The following NRAP variants were observed in gnomAD, a reference collection of about 807,000 sequenced individuals.
NRAP encodes the protein nebulin related anchoring protein.
NRAP carries 189 observed loss-of-function variants against 225.9 expected under a neutral mutation model. The ratio of observed to expected loss-of-function variants is 0.84; its 90% CI spans 0.74 to 0.94. The LOEUF (loss-of-function observed/expected upper bound fraction) is 0.94. Ranked by LOEUF, NRAP falls within the 40% of genes least tolerant of loss-of-function variation. The probability of loss-of-function intolerance (pLI) is 0.00; values close to 1 mark genes in which losing one functional copy is unlikely to be tolerated. For synonymous variants in NRAP, 769 were observed against 790.7 expected (o/e 0.97, Z 0.46); for missense variants, 2,176 against 2,168.7 (o/e 1.00, Z -0.07).
At chr10:113,662,999 T>A (rs1409091898) in intron 2 of NRAP, among the ~76,000 whole-genome samples, 1 of 152,198 alleles carries the variant, frequency 6.6e-6, no homozygotes, top group Admixed American at 6.5e-5. Flanking sequence ...AAATGATCAC[T>A]TGAAAACTTT....
At chr10:113,605,717 T>G in intron 34 of NRAP, 45 bp downstream of exon 34, 1 of 1,277,884 alleles carries the variant, frequency 7.8e-7, no homozygotes, top group Non-Finnish European at 1.1e-6. Flanking sequence ...TTACATGAAG[T>G]TAACAGAAAT....
At chr10:113,653,461 A>T (rs79661250) in intron 5 of NRAP, among the ~76,000 whole-genome samples, 2 of 152,188 alleles carry the variant, frequency 1.3e-5, no homozygotes, top group African/African-American at 2.4e-5. Context: ...AGTTTTCCTA[A>T]TGAGACTTAT....
At chr10:113,634,650 T>C (rs914847750) in intron 14 of NRAP, among the ~76,000 whole-genome samples, 1 of 152,190 alleles carries the variant, frequency 6.6e-6, no homozygotes, top group Non-Finnish European at 1.5e-5. Context: ...CAGTACGGCA[T>C]TTGGGCACAT....
At chr10:113,599,061 C>G (rs7898339) in intron 35 of NRAP, among the ~76,000 whole-genome samples, 28,934 of 152,206 alleles carry the variant, frequency 0.19, 2,891 homozygotes, top group Non-Finnish European at 0.22. Context: ...GAAAAAGCCT[C>G]TCTAAGAAAA....
chr10:113,624,199 T>A (rs920639564), intron 22 of NRAP, among the ~76,000 whole-genome samples: 2 of 152,106 alleles, frequency 1.3e-5, no homozygotes, highest in African/African-American at 4.8e-5. Flanking sequence ...CTCCTCCCCA[T>A]CTATTTCTCA....
chr10:113,628,447 T>C (rs1200458965), intron 20 of NRAP, among the ~76,000 whole-genome samples: 1 of 152,080 alleles, frequency 6.6e-6, no homozygotes, highest in African/African-American at 2.4e-5. Context: ...CTAGGCCTCC[T>C]AAAGTAGTGG....
intron 12 of NRAP, among the ~76,000 whole-genome samples, 154 bp downstream of exon 12, chr10:113,642,780 C>G (rs1334074740): frequency 2.0e-5 from 3 of 152,232 alleles, no homozygotes; most frequent in Non-Finnish European, 4.4e-5. Context: ...CCAATCCCAG[C>G]AGGCAACCTT....
At chr10:113,636,922 G>C (rs12773577) in intron 14 of NRAP, among the ~76,000 whole-genome samples, 1 of 148,914 alleles carries the variant, frequency 6.7e-6, no homozygotes, top group African/African-American at 2.5e-5. Context: ...CAGGAGAATC[G>C]CTTAAATGTG....
rs754738614 is a variant in NRAP at position 113,590,810 on chromosome 10, T to C, written c.4724A>G (p.Lys1575Arg). 4 of 1,614,212 alleles carry C rather than the reference T, an allele frequency of 2.5e-6. 1 individual carries two copies. In the South Asian group the frequency reaches 4.4e-5, roughly 18 times the overall value. Residue 1575 changes from lysine (K) to arginine (R), a missense_variant, in exon 40 of 42, where the codon AAG becomes AGG. Physicochemically the swap from Lys to Arg is conservative, Grantham distance 26. Around this residue, in one of 3 missense-constraint regions of NRAP, gnomAD observed 445 missense variants for 426.1 expected, o/e 1.04. Transcript: ENST00000359988. The part of the protein sequence containing the change: ...YRSVDDDPRM[K>R]HFLNVGRLQS... ...GAGCCTGCCAACGTTGAGGAAATGCTTCATCCTTGGGTCATCGTCGACACT... is the reference window on the plus strand; with the variant it reads ...GAGCCTGCCAACGTTGAGGAAATGCCTCATCCTTGGGTCATCGTCGACACT...
intron 36 of NRAP, 64 bp from the exon 37 acceptor site, chr10:113,597,248 A>ATGAT: frequency 9.8e-7 from 1 of 1,016,786 alleles, no homozygotes; most frequent in Non-Finnish European, 1.6e-6. Flanking sequence ...TTCAGGGTGC[A>ATGAT]GCTTCACTCC....
chr10:113,624,672 A>T (rs1848185541), intron 22 of NRAP, among the ~76,000 whole-genome samples, 154 bp downstream of exon 22: 1 of 152,182 alleles, frequency 6.6e-6, no homozygotes, highest in South Asian at 2.1e-4. Flanking sequence ...ACTGATCAGG[A>T]GCCAGATCTG....
chr10:113,624,194 CCCCATCTATTTCTCAGATGAGGAA>C (rs1464755428), intron 22 of NRAP, among the ~76,000 whole-genome samples: 1 of 152,232 alleles, frequency 6.6e-6, no homozygotes, highest in African/African-American at 2.4e-5. Context: ...CAATTCTCCT[CCCCATCTATTTCTCAGATGAGGAA>C]CCCAAAGACC....
chr10:113,655,395 A>G (rs1186815872), intron 4 of NRAP, among the ~76,000 whole-genome samples: 2 of 152,106 alleles, frequency 1.3e-5, no homozygotes, highest in South Asian at 2.1e-4. Context: ...TTTGCAATAG[A>G]AAAAAAATTT....
At chr10:113,651,169 A>G (rs1849940717) in intron 7 of NRAP, among the ~76,000 whole-genome samples, 1 of 152,272 alleles carries the variant, frequency 6.6e-6, no homozygotes, top group South Asian at 2.1e-4. Flanking sequence ...TAACTGACTT[A>G]TCAAGCCCAA....
At chr10:113,618,838 C>G (rs569130659) in intron 25 of NRAP, among the ~76,000 whole-genome samples, 1 of 152,286 alleles carries the variant, frequency 6.6e-6, no homozygotes, top group South Asian at 2.1e-4. Context: ...CTCAGCTACT[C>G]AAGAGGCTGA....
intron 25 of NRAP, 106 bp from the exon 26 acceptor site, chr10:113,617,659 C>CA: frequency 4.1e-6 from 3 of 738,864 alleles, no homozygotes; most frequent in Admixed American, 1.8e-5. Context: ...TTTGTGAACA[C>CA]AATTATTATT....
Position 113,634,161 on chromosome 10 carries a change from T to A in NRAP, c.1478A>T (p.Asp493Val). 6.2e-7 allele frequency: 1 copy of A among 1,614,004 alleles called. No homozygotes were observed. Among genetic ancestry groups the A allele is most frequent in the Non-Finnish European group, 8.5e-7 (1 of 1,179,896 alleles). Residue 493 changes from aspartate (D) to valine (V), a missense_variant, in exon 15 of 42, where the codon GAC becomes GTC. By Grantham distance (152) the Asp-to-Val change is radical. Around this residue, in one of 3 missense-constraint regions of NRAP, gnomAD observed 1,708 missense variants for 1,695.5 expected, o/e 1.01. Coordinates refer to ENST00000359988, the MANE Select transcript of NRAP (RefSeq NM_198060.4). ...TTTGGCTTGAACAATCTGTGGGGTGTCAGTCACCGAGCTGTACTTCAACTT... is the reference window on the plus strand; with the variant it reads ...TTTGGCTTGAACAATCTGTGGGGTGACAGTCACCGAGCTGTACTTCAACTT... ...IDKLKYSSVT[D>V]TPQIVQAKIN...
intron 22 of NRAP, among the ~76,000 whole-genome samples, chr10:113,624,431 C>A (rs1255689970): frequency 6.6e-6 from 1 of 152,116 alleles, no homozygotes; most frequent in Admixed American, 6.5e-5. Context: ...CAATGGGACA[C>A]CTGGAAACAA....
rs201941943 is a variant in NRAP, at chr10:113,626,023, G to A, written c.2244+24C>T. On this transcript the variant is annotated intron_variant, in intron 21 of 41. Transcript: ENST00000359988. ...AGGCCCATGACACAGCAGCTTGGTG[G>A]AGAAAGGGCAGCCCAGGACTCACCC... The A allele has an allele frequency of 5.2e-6, 8 of 1,546,942 alleles. No homozygotes were observed. The Admixed American group carries it at 1.4e-4, about 28-fold the overall frequency.
Sources: gnomAD v4.1 joint callset for allele counts (sites outside exome capture counted in the v4.1 genomes callset) on GRCh38, gnomAD v4.1.1 for gene constraint, gnomAD v4.1.1 regional missense constraint, MANE v1.5 for transcripts, NCBI Gene and HGNC (gene_info 2026-07-23, HGNC 2026-07-21) for gene names.